ALOX5AP: variants seen among roughly 807,000 people sequenced by gnomAD.
ALOX5AP encodes arachidonate 5-lipoxygenase activating protein, also known as arachidonate 5-lipoxygenase-activating protein.
Under a neutral mutation model 18.5 loss-of-function variants are expected in ALOX5AP, and 9 were observed. The ratio of observed to expected loss-of-function variants is 0.49; its 90% CI spans 0.29 to 0.85. The LOEUF is 0.85. Ranked by LOEUF, ALOX5AP falls within the 40% of genes least tolerant of loss-of-function variation. The pLI is 0.08. For missense variants in ALOX5AP, 172 were observed against 202.5 expected (o/e 0.85, Z 0.91); for synonymous variants, 81 against 78.6 (o/e 1.03, Z -0.16).
At chr13:30,749,217 C>T (rs1182785261) in intron 2 of ALOX5AP, among the ~76,000 whole-genome samples, 6 of 152,178 alleles carry the variant, frequency 3.9e-5, no homozygotes, top group African/African-American at 1.2e-4. Flanking sequence ...TGTCAAATCA[C>T]TAGGCAGTTC....
upstream of ALOX5AP, among the ~76,000 whole-genome samples, chr13:30,735,013 C>CGTGT (rs372877577): frequency 6.6e-6 from 1 of 150,432 alleles, no homozygotes; most frequent in Non-Finnish European, 1.5e-5. Flanking sequence ...TTTGTGTGTG[C>CGTGT]GTGTGTGTGT....
rs372725853 is a variant in ALOX5AP, at chr13:30,750,109, A to G, written c.171-1943A>G. 2.6e-5 allele frequency among the ~76,000 whole-genome samples: 4 copies of G among 152,168 alleles called. No individual in the cohort carries two copies. In the East Asian group the frequency reaches 7.7e-4, roughly 29 times the overall value. ...CAGAGTTTTAAATTCTGAAGGCCTGAGGTGGGTGTGAACATTTGCATTTCT... is the reference window on the plus strand; with the variant it reads ...CAGAGTTTTAAATTCTGAAGGCCTGGGGTGGGTGTGAACATTTGCATTTCT... On this transcript the variant is annotated intron_variant, in intron 2 of 4. Transcript: ENST00000380490.
intron 1 of ALOX5AP, among the ~76,000 whole-genome samples, chr13:30,739,931 G>A (rs1593435772): frequency 6.6e-6 from 1 of 152,196 alleles, no homozygotes; most frequent in East Asian, 1.9e-4. Context: ...TCTTTCTTAT[G>A]TTGAGCTGAA....
At chr13:30,731,345 C>G (rs1188217808), upstream of ALOX5AP, among the ~76,000 whole-genome samples, 1 of 151,772 alleles carries the variant, frequency 6.6e-6, no homozygotes, top group Non-Finnish European at 1.5e-5. Flanking sequence ...TTGTTCTGCT[C>G]CTTGCTATGT....
chr13:30,748,329 A>C (rs932362305), intron 2 of ALOX5AP, among the ~76,000 whole-genome samples: 12 of 152,210 alleles, frequency 7.9e-5, no homozygotes, highest in Non-Finnish European at 1.8e-4. Flanking sequence ...GTTATTAATT[A>C]TATTTACTTA....
chr13:30,720,722 G>T (rs1039810942), intron 1 of ALOX5AP, among the ~76,000 whole-genome samples: 15 of 152,222 alleles, frequency 9.9e-5, no homozygotes, highest in African/African-American at 3.6e-4. Flanking sequence ...GGCTAATTTT[G>T]CTGGGGGAAG....
chr13:30,752,670 G>T (rs151140477), intron 3 of ALOX5AP, among the ~76,000 whole-genome samples: 3 of 152,154 alleles, frequency 2.0e-5, no homozygotes, highest in African/African-American at 4.8e-5. Flanking sequence ...TCATACTTTT[G>T]GTCCCCTTTC....
chr13:30,721,054 C>G (rs1951589660), intron 1 of ALOX5AP, among the ~76,000 whole-genome samples: 1 of 152,174 alleles, frequency 6.6e-6, no homozygotes, highest in African/African-American at 2.4e-5. Flanking sequence ...GGAAATGGAG[C>G]TTGTCATTCA....
At chr13:30,763,709 G>A (rs1388281252) in intron 4 of ALOX5AP, among the ~76,000 whole-genome samples, 2 of 152,148 alleles carry the variant, frequency 1.3e-5, no homozygotes, top group African/African-American at 2.4e-5. Context: ...GAGCCCTCGT[G>A]GTAATGGGTT....
chr13:30,762,106 G>A (rs1438450185), intron 4 of ALOX5AP, among the ~76,000 whole-genome samples: 1 of 152,208 alleles, frequency 6.6e-6, no homozygotes, highest in African/African-American at 2.4e-5. Flanking sequence ...TTTCTGATGT[G>A]AGTGGGTCCC....
upstream of ALOX5AP, among the ~76,000 whole-genome samples, chr13:30,733,158 C>CAAAA (rs34069656): frequency 6.1e-5 from 5 of 82,290 alleles, no homozygotes; most frequent in African/African-American, 1.9e-4. Flanking sequence ...GACTCCGTCT[C>CAAAA]AAAAAAAAAA....
upstream of ALOX5AP, among the ~76,000 whole-genome samples, chr13:30,730,954 T>A (rs1484657119): frequency 1.3e-5 from 2 of 151,894 alleles, no homozygotes; most frequent in Admixed American, 1.3e-4. Flanking sequence ...AGCATATTTG[T>A]CTAACTAACC....
At chr13:30,733,151 T>C (rs1288182379), upstream of ALOX5AP, among the ~76,000 whole-genome samples, 6 of 106,508 alleles carry the variant, frequency 5.6e-5, no homozygotes, top group African/African-American at 1.8e-4. Context: ...AGAGCAAGAC[T>C]CCGTCTCAAA....
intron 1 of ALOX5AP, among the ~76,000 whole-genome samples, chr13:30,715,124 T>C (rs567767166): frequency 1.3e-5 from 2 of 152,266 alleles, no homozygotes; most frequent in Non-Finnish European, 2.9e-5. Flanking sequence ...TCAGAAACAA[T>C]TGGGTTTCCC....
At chr13:30,754,751 G>C (rs1420385270) in intron 3 of ALOX5AP, among the ~76,000 whole-genome samples, 1 of 152,196 alleles carries the variant, frequency 6.6e-6, no homozygotes, top group African/African-American at 2.4e-5. Context: ...ACACCCCTAT[G>C]TGCCAGGCAC....
chr13:30,716,555 C>T (rs1017068911), intron 1 of ALOX5AP, among the ~76,000 whole-genome samples: 1 of 152,226 alleles, frequency 6.6e-6, no homozygotes, highest in Admixed American at 6.5e-5. Flanking sequence ...GGGGGTCAAT[C>T]TACCTCACTT....
intron 1 of ALOX5AP, among the ~76,000 whole-genome samples, chr13:30,740,810 A>C (rs1336241642): frequency 6.6e-6 from 1 of 152,208 alleles, no homozygotes; most frequent in African/African-American, 2.4e-5. Context: ...ACAGACTTGA[A>C]GTCAGTGGCA....
At chr13:30,734,734 T>C (rs1593432938), upstream of ALOX5AP, among the ~76,000 whole-genome samples, 1 of 152,242 alleles carries the variant, frequency 6.6e-6, no homozygotes, top group East Asian at 1.9e-4. Flanking sequence ...TGTAACTCCA[T>C]TTCTGCCTTT....
At chr13:30,713,916 C>T (rs1353840895) in intron 1 of ALOX5AP, 10 of 1,477,222 alleles carry the variant, frequency 6.8e-6, no homozygotes, top group Non-Finnish European at 9.1e-6. Flanking sequence ...TGACCTGGGC[C>T]CAGGGCCATG....
Sources: allele counts gnomAD v4.1 joint callset (sites outside exome capture counted in the v4.1 genomes callset), GRCh38; gene constraint gnomAD v4.1.1; transcripts MANE v1.5; gene names NCBI Gene and HGNC (gene_info 2026-07-23, HGNC 2026-07-21).